The following SLC44A5 variants were observed in gnomAD, a reference collection of about 807,000 sequenced individuals.
SLC44A5 encodes choline transporter-like protein 5.
Under a neutral mutation model 101.8 loss-of-function variants are expected in SLC44A5, and 57 were observed. The observed-to-expected ratio is 0.56, with a 90% CI of 0.45 to 0.70. The LOEUF (loss-of-function observed/expected upper bound fraction) is 0.70. SLC44A5 is among the 30% of genes least tolerant of loss of function. SLC44A5 has a pLI of 0.00. For missense variants in SLC44A5, 737 were observed against 853.1 expected (o/e 0.86, Z 1.70); for synonymous variants, 281 against 290.9 (o/e 0.97, Z 0.35).
intron 4 of SLC44A5, among the ~76,000 whole-genome samples, chr1:75,336,398 C>T (rs981225241): frequency 6.6e-6 from 1 of 152,190 alleles, no homozygotes; most frequent in Non-Finnish European, 1.5e-5. Context: ...AACTGATCTG[C>T]CGGCCTCAGC....
intron 3 of SLC44A5, among the ~76,000 whole-genome samples, chr1:75,390,350 A>C (rs569630122): frequency 4.6e-5 from 7 of 151,778 alleles, no homozygotes; most frequent in Non-Finnish European, 1.0e-4. Context: ...GCAAAGACAC[A>C]AGAAACAAAG....
At chr1:75,646,051 G>T in the SLC44A5 span, among the ~76,000 whole-genome samples, 1 of 134,776 alleles carries the variant, frequency 7.4e-6, no homozygotes, top group Non-Finnish European at 1.7e-5. Context: ...AGTATAGTTT[G>T]AAGTCAGGTA....
rs1168130863 is a variant in SLC44A5, at chr1:75,379,197, C to T, written c.52+17386G>A. The stretch of plus-strand genomic sequence containing the variant: ...GGACCCAACTCTCCTTATATGAGGA[C>T]ATTATTAGATTCCATTGCTCATGGA... On this transcript the variant is annotated intron_variant, in intron 3 of 23. Transcript: ENST00000370859. Among the ~76,000 whole-genome samples the T allele has an allele frequency of 5.2e-4, 37 of 70,856 alleles. 10 individuals are homozygous for T. In the South Asian group the frequency reaches 0.017, roughly 33 times the overall value. The allele number at this position is 70,856 out of a possible 152,430, so 46.5% of individuals were successfully genotyped here. A position where few individuals can be genotyped will look rare whatever the true frequency, so the allele number is the denominator to read the frequency against.
intron 2 of SLC44A5, 167 bp from the exon 3 acceptor site, chr1:75,396,788 A>G: frequency 1.7e-6 from 1 of 595,378 alleles, no homozygotes; most frequent in South Asian, 2.2e-5. Flanking sequence ...CAAAGCTGCC[A>G]ATAATGAGCA....
intron 1 of SLC44A5, among the ~76,000 whole-genome samples, chr1:75,592,008 T>C (rs1373860959): frequency 2.6e-5 from 4 of 152,132 alleles, no homozygotes; most frequent in Non-Finnish European, 5.9e-5. Flanking sequence ...TTATTCAACA[T>C]AGTACTGGAA....
intron 2 of SLC44A5, among the ~76,000 whole-genome samples, chr1:75,531,521 CT>C (rs1427499448): frequency 6.6e-6 from 1 of 152,144 alleles, no homozygotes; most frequent in African/African-American, 2.4e-5. Flanking sequence ...ATATGAGTCA[CT>C]GGGGATCTTG....
chr1:75,211,406 C>T (rs1333919876), intron 23 of SLC44A5, 62 bp downstream of exon 23: 1 of 1,329,048 alleles, frequency 7.5e-7, no homozygotes, highest in Admixed American at 1.7e-5. Context: ...GGACATGGGC[C>T]TTCACCATCT....
intron 2 of SLC44A5, among the ~76,000 whole-genome samples, chr1:75,495,792 T>C (rs1313308737): frequency 6.6e-6 from 1 of 152,112 alleles, no homozygotes; most frequent in Non-Finnish European, 1.5e-5. Flanking sequence ...CCACAAAAAA[T>C]TTAATTTTTA....
At chr1:75,313,144 C>T (rs1655435978) in intron 4 of SLC44A5, among the ~76,000 whole-genome samples, 1 of 152,156 alleles carries the variant, frequency 6.6e-6, no homozygotes, top group Non-Finnish European at 1.5e-5. Flanking sequence ...TCATCTTCAT[C>T]ATCAGCCTCC....
chr1:75,604,953 T>C (rs1675235687), intron 1 of SLC44A5, among the ~76,000 whole-genome samples: 2 of 151,994 alleles, frequency 1.3e-5, no homozygotes, highest in Non-Finnish European at 2.9e-5. Flanking sequence ...TAGTTTGACT[T>C]CTTCTTTTCC....
intron 1 of SLC44A5, among the ~76,000 whole-genome samples, chr1:75,552,998 A>G (rs1458551268): frequency 6.6e-6 from 1 of 152,272 alleles, no homozygotes; most frequent in Non-Finnish European, 1.5e-5. Context: ...TCAGGACACC[A>G]GTTCAAAAAT....
At chr1:75,348,811 T>C (rs143353713) in intron 3 of SLC44A5, among the ~76,000 whole-genome samples, 1 of 152,320 alleles carries the variant, frequency 6.6e-6, no homozygotes, top group East Asian at 1.9e-4. Flanking sequence ...ATGTTTACTG[T>C]TTTTTAGAAA....
intron 1 of SLC44A5, among the ~76,000 whole-genome samples, chr1:75,580,397 G>T (rs1673617345): frequency 6.6e-6 from 1 of 152,158 alleles, no homozygotes; most frequent in African/African-American, 2.4e-5. Flanking sequence ...TATTTGTGCT[G>T]TCTTATGTTG....
intron 2 of SLC44A5, chr1:75,398,428 A>G (rs1662265721): frequency 2.0e-6 from 2 of 984,252 alleles, no homozygotes; most frequent in African/African-American, 1.7e-5. Flanking sequence ...GACCCTGCCA[A>G]TGAGAGGAGA....
chr1:75,312,848 A>G (rs1309325920), intron 4 of SLC44A5, among the ~76,000 whole-genome samples: 2 of 152,158 alleles, frequency 1.3e-5, no homozygotes, highest in African/African-American at 4.8e-5. Context: ...AGGACTTGAC[A>G]GTTCATGACT....
At chr1:75,370,773 C>T (rs1660171197) in intron 3 of SLC44A5, among the ~76,000 whole-genome samples, 1 of 152,128 alleles carries the variant, frequency 6.6e-6, no homozygotes, top group South Asian at 2.1e-4. Context: ...TGAGAAGAGT[C>T]AGGGGTGTCA....
At chr1:75,389,925 G>C (rs1223384560) in intron 3 of SLC44A5, among the ~76,000 whole-genome samples, 1 of 151,980 alleles carries the variant, frequency 6.6e-6, no homozygotes, top group African/African-American at 2.4e-5. Flanking sequence ...CTACTAGCTA[G>C]ATTAAAAAAG....
intron 11 of SLC44A5, 29 bp downstream of exon 11, chr1:75,236,957 GA>G: frequency 8.2e-7 from 1 of 1,221,960 alleles, no homozygotes; most frequent in Non-Finnish European, 1.2e-6. Flanking sequence ...AATGGGGCTG[GA>G]GAAGAAACAT....
At chr1:75,529,298 C>T (rs1323933240) in intron 2 of SLC44A5, among the ~76,000 whole-genome samples, 3 of 152,124 alleles carry the variant, frequency 2.0e-5, no homozygotes, top group African/African-American at 4.8e-5. Flanking sequence ...AGCAGGATAC[C>T]TTTGGGATAT....
Sources: gnomAD v4.1 joint callset for allele counts (sites outside exome capture counted in the v4.1 genomes callset) on GRCh38, gnomAD v4.1.1 for gene constraint, MANE v1.5 for transcripts, NCBI Gene and HGNC (gene_info 2026-07-23, HGNC 2026-07-21) for gene names.